TDRP: variants seen among roughly 807,000 people sequenced by gnomAD.
The protein encoded by TDRP is testis development-related protein.
Under a neutral mutation model 10.5 loss-of-function variants are expected in TDRP, and 12 were observed. That is an observed-to-expected ratio of 1.15 (90% CI 0.73 to 1.86). The LOEUF is 1.86. TDRP is among the 40% of genes most tolerant of loss of function. The probability of loss-of-function intolerance (pLI) is 0.00; values close to 1 mark genes in which losing one functional copy is unlikely to be tolerated. For missense variants in TDRP, 353 were observed against 229.2 expected (o/e 1.54, Z -3.49); for synonymous variants, 139 against 95.4 (o/e 1.46, Z -2.67).
chr8:520,791 T>C (rs553496512), intron 1 of TDRP, among the ~76,000 whole-genome samples: 11 of 152,192 alleles, frequency 7.2e-5, no homozygotes, highest in Non-Finnish European at 1.5e-4. Flanking sequence ...TAATCAGGTT[T>C]TTTGTTGTTG....
At chr8:509,343 G>C (rs1801549325) in intron 1 of TDRP, among the ~76,000 whole-genome samples, 2 of 152,200 alleles carry the variant, frequency 1.3e-5, no homozygotes, top group Non-Finnish European at 2.9e-5. Flanking sequence ...TTCTCCATGA[G>C]TGCTCTGCCC....
chr8:526,855 G>C (rs778823477), intron 1 of TDRP, among the ~76,000 whole-genome samples: 2 of 152,138 alleles, frequency 1.3e-5, no homozygotes, highest in African/African-American at 4.8e-5. Context: ...GTCCTAGCTA[G>C]AGCAATCAGA....
At chr8:520,578 C>G (rs1027046429) in intron 1 of TDRP, among the ~76,000 whole-genome samples, 1 of 152,200 alleles carries the variant, frequency 6.6e-6, no homozygotes, top group Non-Finnish European at 1.5e-5. Flanking sequence ...CACAGGTGTT[C>G]CAATCTCCCC....
Position 544,635 on chromosome 8 carries a change from T to G in TDRP, c.108+15A>C, listed in dbSNP as rs1275512665. 3 of 1,233,914 alleles carry G rather than the reference T, an allele frequency of 2.4e-6. No individual in the cohort carries two copies. Among genetic ancestry groups the G allele is most frequent in the Non-Finnish European group, 3.0e-6 (3 of 988,476 alleles). 76.4% of individuals were successfully genotyped at this position (1,233,914 alleles called of 1,614,324 possible). A position where few individuals can be genotyped will look rare whatever the true frequency, so the allele number is the denominator to read the frequency against. On this transcript the variant is annotated intron_variant, in intron 1 of 2. Transcript: ENST00000324079. Reference sequence around the variant, plus strand: ...CCCCGGCCTACTAGCACTCCCCACCTGCGCACCCCCTCACCTGCGCCTGGG... The same window carrying G: ...CCCCGGCCTACTAGCACTCCCCACCGGCGCACCCCCTCACCTGCGCCTGGG...
chr8:521,865 G>A (rs900019671), intron 1 of TDRP, among the ~76,000 whole-genome samples: 5 of 151,922 alleles, frequency 3.3e-5, no homozygotes, highest in African/African-American at 7.3e-5. Context: ...CCATCAACAT[G>A]GGCTGTCTAT....
chr8:519,333 A>C (rs982722719), intron 1 of TDRP, among the ~76,000 whole-genome samples: 1 of 152,122 alleles, frequency 6.6e-6, no homozygotes, highest in African/African-American at 2.4e-5. Context: ...GCAATCCTGA[A>C]AAATGAGCTT....
intron 1 of TDRP, among the ~76,000 whole-genome samples, chr8:519,845 C>T (rs918387359): frequency 6.6e-6 from 1 of 152,186 alleles, no homozygotes; most frequent in Admixed American, 6.5e-5. Context: ...ATTATTGTTC[C>T]ACCTGGTGAA....
chr8:541,349 G>A (rs1026155754), intron 1 of TDRP, among the ~76,000 whole-genome samples: 3 of 152,120 alleles, frequency 2.0e-5, no homozygotes, highest in Non-Finnish European at 2.9e-5. Context: ...AAAACCTTGG[G>A]TACAGTGATG....
intron 1 of TDRP, among the ~76,000 whole-genome samples, chr8:529,319 AGTATTTT>A (rs1313350081): frequency 6.6e-6 from 1 of 152,106 alleles, no homozygotes; most frequent in African/African-American, 2.4e-5. Context: ...AACCAAATCG[AGTATTTT>A]ATATTTTTAT....
chr8:524,238 G>C (rs543524680), intron 1 of TDRP, among the ~76,000 whole-genome samples: 5 of 152,326 alleles, frequency 3.3e-5, no homozygotes, highest in Admixed American at 6.5e-5. Context: ...GCATTACTGG[G>C]CTTGGGGTGC....
chr8:533,043 G>A (rs1273156597), intron 1 of TDRP, among the ~76,000 whole-genome samples: 1 of 152,162 alleles, frequency 6.6e-6, no homozygotes, highest in Non-Finnish European at 1.5e-5. Context: ...GTCCCAAAAT[G>A]AGTACCAGCG....
intron 1 of TDRP, among the ~76,000 whole-genome samples, chr8:503,529 C>T (rs1801365586): frequency 6.6e-6 from 1 of 151,256 alleles, no homozygotes; most frequent in African/African-American, 2.4e-5. Context: ...GAATCCAGAG[C>T]AGCACACTGG....
chr8:545,020 C>T (rs1802603852), upstream of TDRP: 2 of 289,948 alleles, frequency 6.9e-6, no homozygotes, highest in Non-Finnish European at 6.4e-6. Flanking sequence ...ACCAGGCCCG[C>T]CCCAAACCCT....
intron 1 of TDRP, among the ~76,000 whole-genome samples, chr8:509,631 C>T (rs1392189241): frequency 3.3e-5 from 5 of 152,078 alleles, no homozygotes; most frequent in Non-Finnish European, 7.4e-5. Context: ...CCATTTTTTC[C>T]TCCGGGCCTC....
At position 544,683 on chromosome 8, in the gene TDRP, C is replaced by T; in HGVS notation, c.75G>A (p.Pro25=). The change falls in exon 1 of 3, where the codon CCG becomes CCA. Residue 25 remains proline (P), a synonymous_variant. Transcript: ENST00000324079. The part of the protein sequence containing the change: ...PEEEDGLRGG[P]PPAAAAAAQA... The stretch of plus-strand genomic sequence containing the variant: ...GGGCGGCGGCGGCGGCGGCCGGTGG[C>T]GGCCCCCCACGCAGGCCGTCCTCCT... 1 of 1,244,804 alleles carries T rather than the reference C, an allele frequency of 8.0e-7. No individual in the cohort carries two copies. The highest frequency in any genetic ancestry group is 1.0e-6 in the Non-Finnish European group (1 of 995,474). 77.1% of individuals were successfully genotyped at this position (1,244,804 alleles called of 1,614,324 possible).
intron 1 of TDRP, among the ~76,000 whole-genome samples, chr8:532,439 GCTC>G (rs1324983748): frequency 1.3e-5 from 2 of 152,216 alleles, no homozygotes; most frequent in Non-Finnish European, 2.9e-5. Flanking sequence ...ATGCACTCCA[GCTC>G]TTCTAGCTTC....
chr8:526,929 G>T (rs1233720465), intron 1 of TDRP, among the ~76,000 whole-genome samples: 1 of 152,116 alleles, frequency 6.6e-6, no homozygotes, highest in Admixed American at 6.5e-5. Flanking sequence ...CTTGTTTGCA[G>T]ACATGATCTT....
chr8:503,755 G>C (rs556643431), intron 1 of TDRP, among the ~76,000 whole-genome samples: 4 of 140,582 alleles, frequency 2.8e-5, no homozygotes, highest in African/African-American at 1.1e-4. Flanking sequence ...ACCTCAGCAC[G>C]CATCAACACG....
chr8:525,836 T>C (rs927518748), intron 1 of TDRP, among the ~76,000 whole-genome samples: 1 of 152,176 alleles, frequency 6.6e-6, no homozygotes, highest in African/African-American at 2.4e-5. Flanking sequence ...TAACACTGAA[T>C]GTAAATGGAC....
Sources: allele counts gnomAD v4.1 joint callset (sites outside exome capture counted in the v4.1 genomes callset), GRCh38; gene constraint gnomAD v4.1.1; transcripts MANE v1.5; gene names NCBI Gene and HGNC (gene_info 2026-07-23, HGNC 2026-07-21).